The following CELF5 variants were observed in gnomAD, a reference collection of about 807,000 sequenced individuals.
CELF5 encodes CUGBP Elav-like family member 5, also known as CUG-BP and ETR-3 like factor 5.
Under a neutral mutation model 54.9 loss-of-function variants are expected in CELF5, and 6 were observed. The ratio of observed to expected loss-of-function variants is 0.11; its 90% CI spans 0.06 to 0.22. The LOEUF (loss-of-function observed/expected upper bound fraction) is 0.22. CELF5 is among the 10% of genes least tolerant of loss of function. The pLI is 1.00. For synonymous variants in CELF5, 271 were observed against 290.9 expected (o/e 0.93, Z 0.70); for missense variants, 401 against 678.6 (o/e 0.59, Z 4.54).
At position 3,241,042 on chromosome 19, in the gene CELF5, G is replaced by T. The variant is rs140703434; in HGVS notation, c.260-9943G>T. Among the ~76,000 whole-genome samples the T allele has an allele frequency of 3.0e-3, 451 of 151,438 alleles. 2 individuals are homozygous for T. Among genetic ancestry groups the T allele is most frequent in the Non-Finnish European group, 5.4e-3 (363 of 67,832 alleles). ...TCGAGAGATTTGTGTGCAGTGCATT[G>T]TCTATGAACTTGAAGATCAGTTCTT... On this transcript the variant is annotated intron_variant, in intron 1 of 12. Coordinates refer to ENST00000292672, the MANE Select transcript of CELF5 (RefSeq NM_021938.4).
chr19:3,253,093 A>C (rs1380285585), intron 2 of CELF5, among the ~76,000 whole-genome samples: 1 of 145,672 alleles, frequency 6.9e-6, no homozygotes, highest in Non-Finnish European at 1.5e-5. Context: ...GAAGCTAAAA[A>C]AGTACATTAA....
chr19:3,288,671 G>A (rs2080293054), intron 10 of CELF5, among the ~76,000 whole-genome samples: 2 of 151,904 alleles, frequency 1.3e-5, no homozygotes, highest in African/African-American at 2.4e-5. Flanking sequence ...AACATAGTGA[G>A]ACCCCATCTC....
At chr19:3,277,977 C>A in intron 4 of CELF5, 54 bp from the exon 5 acceptor site, 1 of 1,451,014 alleles carries the variant, frequency 6.9e-7, no homozygotes, top group Non-Finnish European at 9.7e-7. Flanking sequence ...GGCCCCCGCT[C>A]AGCCAGTCCT....
intron 2 of CELF5, among the ~76,000 whole-genome samples, chr19:3,262,519 C>G (rs2079819370): frequency 6.6e-6 from 1 of 152,160 alleles, no homozygotes; most frequent in Non-Finnish European, 1.5e-5. Context: ...GGGACGTAGA[C>G]TGTTCTAGAC....
At chr19:3,260,768 G>A (rs989127328) in intron 2 of CELF5, among the ~76,000 whole-genome samples, 4 of 151,520 alleles carry the variant, frequency 2.6e-5, no homozygotes, top group South Asian at 2.1e-4. Context: ...GACTACAGGC[G>A]CCCGCCACCA....
At chr19:3,267,096 T>TGTGTGTGTGTGCGTGTGC (rs2079893368) in intron 2 of CELF5, among the ~76,000 whole-genome samples, 1 of 82,370 alleles carries the variant, frequency 1.2e-5, no homozygotes, top group African/African-American at 3.9e-5. Flanking sequence ...TGCATGTGTG[T>TGTGTGTGTGTGCGTGTGC]GTGTGTGTGT....
intron 10 of CELF5, among the ~76,000 whole-genome samples, chr19:3,289,738 C>CA (rs2080312709): frequency 7.9e-6 from 1 of 126,540 alleles, no homozygotes; most frequent in African/African-American, 3.0e-5. Context: ...GGTGGCTGAA[C>CA]ACCAGAGTTT....
Position 3,224,680 on chromosome 19 carries a change from C to T in CELF5, c.-60C>T. On this transcript the variant is annotated 5_prime_UTR_variant, in exon 1 of 13. Transcript: ENST00000292672. Reference sequence around the variant, plus strand: ...GGAGGCGGGAGGCGCGGCCGCCGCTCCAGCTGCGAGTCCGCCCGCCGCCCG... The same window carrying T: ...GGAGGCGGGAGGCGCGGCCGCCGCTTCAGCTGCGAGTCCGCCCGCCGCCCG... 1.0e-6 allele frequency: 1 copy of T among 988,510 alleles called. No homozygotes were observed. Among genetic ancestry groups the T allele is most frequent in the Non-Finnish European group, 1.2e-6 (1 of 833,060 alleles). The allele number at this position is 988,510 out of a possible 1,614,324, so 61.2% of individuals were successfully genotyped here.
chr19:3,247,132 T>C (rs1025697903), intron 1 of CELF5, among the ~76,000 whole-genome samples: 65 of 151,898 alleles, frequency 4.3e-4, no homozygotes, highest in African/African-American at 1.5e-3. Context: ...GCTGCCACTT[T>C]TTACTTTTGT....
chr19:3,276,715 C>T (rs985546103), intron 4 of CELF5, among the ~76,000 whole-genome samples: 1 of 146,708 alleles, frequency 6.8e-6, no homozygotes, highest in African/African-American at 2.5e-5. Context: ...GATGCAGAGG[C>T]GTGGCCTTGG....
intron 1 of CELF5, among the ~76,000 whole-genome samples, chr19:3,226,440 T>TCA (rs71164666): frequency 0.01 from 1,199 of 118,946 alleles, 15 homozygotes; most frequent in African/African-American, 0.013. Context: ...AAACCAACCA[T>TCA]CACACACACA....
intron 1 of CELF5, among the ~76,000 whole-genome samples, chr19:3,248,127 T>A (rs1390098843): frequency 6.6e-6 from 1 of 152,080 alleles, no homozygotes; most frequent in African/African-American, 2.4e-5. Context: ...TGTTCTGCAA[T>A]CATCACCACT....
At chr19:3,274,684 A>G (rs976312337) in intron 3 of CELF5, among the ~76,000 whole-genome samples, 3 of 151,958 alleles carry the variant, frequency 2.0e-5, no homozygotes, top group African/African-American at 7.3e-5. Context: ...AAATTTGTAT[A>G]TTTCCTCTCC....
chr19:3,280,755 G>T (rs977584371), intron 5 of CELF5, among the ~76,000 whole-genome samples: 13 of 152,228 alleles, frequency 8.5e-5, no homozygotes, highest in Middle Eastern at 3.4e-3. Flanking sequence ...TTCCTCTCTG[G>T]AGACTGGAGT....
At chr19:3,257,709 C>G (rs954645289) in intron 2 of CELF5, among the ~76,000 whole-genome samples, 68 of 151,872 alleles carry the variant, frequency 4.5e-4, no homozygotes, top group African/African-American at 1.6e-3. Context: ...CTCCCGAGCT[C>G]AGATGATCCG....
At chr19:3,243,159 T>C (rs886720394) in intron 1 of CELF5, among the ~76,000 whole-genome samples, 15 of 152,148 alleles carry the variant, frequency 9.9e-5, no homozygotes, top group Non-Finnish European at 2.2e-4. Context: ...CTTTTCTTTT[T>C]CAGTTTTTTC....
Position 3,276,102 on chromosome 19 carries a change from T to C in CELF5, c.523+118T>C, listed in dbSNP as rs1246402185. On this transcript the variant is annotated intron_variant, in intron 4 of 12. Coordinates refer to ENST00000292672, the MANE Select transcript of CELF5 (RefSeq NM_021938.4). The stretch of plus-strand genomic sequence containing the variant: ...AGGAGCTGGCTCTGGGGTGGGACCC[T>C]GGGGAGGGGCGGGGCTTCTCCAGGG... The C allele has an allele frequency of 3.6e-4, 7 of 19,332 alleles. No homozygotes were observed. In the Admixed American group the frequency reaches 4.0e-3, roughly 11 times the overall value. 1.2% of individuals were successfully genotyped at this position (19,332 alleles called of 1,614,324 possible).
chr19:3,238,654 G>T (rs759842129), intron 1 of CELF5, among the ~76,000 whole-genome samples: 13 of 152,138 alleles, frequency 8.5e-5, no homozygotes, highest in Non-Finnish European at 1.9e-4. Flanking sequence ...ACTTGAGGCC[G>T]GGTGTGGTGG....
At chr19:3,273,159 A>G (rs1198599713) in intron 2 of CELF5, among the ~76,000 whole-genome samples, 1 of 152,040 alleles carries the variant, frequency 6.6e-6, no homozygotes, top group African/African-American at 2.4e-5. Flanking sequence ...CTGAGTAACA[A>G]ACTACTCCAG....
Sources: gnomAD v4.1 joint callset for allele counts (sites outside exome capture counted in the v4.1 genomes callset) on GRCh38, gnomAD v4.1.1 for gene constraint, MANE v1.5 for transcripts, NCBI Gene and HGNC (gene_info 2026-07-23, HGNC 2026-07-21) for gene names.